The following CTIF variants were observed in gnomAD, a reference collection of about 807,000 sequenced individuals.
CTIF encodes cap binding complex dependent translation initiation factor.
CTIF carries 21 observed loss-of-function variants against 66.0 expected under a neutral mutation model. The observed-to-expected ratio is 0.32, with a 90% CI of 0.23 to 0.46. The LOEUF (loss-of-function observed/expected upper bound fraction) is 0.46, where lower values mean the gene tolerates loss of function less well. Ranked by LOEUF, CTIF falls within the 20% of genes least tolerant of loss-of-function variation. The pLI is 1.00. For synonymous variants in CTIF, 345 were observed against 326.4 expected, an observed-to-expected ratio of 1.06 and a Z score of -0.62; for missense variants, 739 against 812.7, an observed-to-expected ratio of 0.91 and a Z score of 1.10.
chr18:48,739,375 G>A (rs1442967327), intron 7 of CTIF, among the ~76,000 whole-genome samples: 1 of 152,230 alleles, frequency 6.6e-6, no homozygotes, highest in Non-Finnish European at 1.5e-5. Context: ...CCTTTGTGAA[G>A]GACGGAACCC....
intron 5 of CTIF, among the ~76,000 whole-genome samples, chr18:48,666,328 C>T (rs1226791307): frequency 6.6e-6 from 1 of 152,164 alleles, no homozygotes; most frequent in Non-Finnish European, 1.5e-5. Context: ...ACATTGGTCC[C>T]ATCATAGTGT....
intron 3 of CTIF, among the ~76,000 whole-genome samples, chr18:48,640,204 C>A (rs1235175425): frequency 6.6e-6 from 1 of 152,194 alleles, no homozygotes; most frequent in African/African-American, 2.4e-5. Context: ...CCCATGAGCA[C>A]CCCGGCTGGC....
intron 6 of CTIF, among the ~76,000 whole-genome samples, chr18:48,687,389 G>A (rs2091859026): frequency 6.7e-6 from 1 of 150,172 alleles, no homozygotes; most frequent in Non-Finnish European, 1.5e-5. Flanking sequence ...AGTGAGCAGA[G>A]TATAAGCCCC....
At chr18:48,846,709 GGATA>G (rs1254523796) in intron 10 of CTIF, among the ~76,000 whole-genome samples, 1 of 151,186 alleles carries the variant, frequency 6.6e-6, no homozygotes, top group Non-Finnish European at 1.5e-5. Context: ...ATGAAAGGAT[GGATA>G]GATGGGCGGA....
At chr18:48,632,669 TTCTACTGA>T (rs2090740682) in intron 2 of CTIF, among the ~76,000 whole-genome samples, 1 of 152,158 alleles carries the variant, frequency 6.6e-6, no homozygotes, top group Non-Finnish European at 1.5e-5. Context: ...GCTGGCCACG[TTCTACTGA>T]GCCTGTTGCC....
At chr18:48,802,003 A>G (rs2068058503) in intron 9 of CTIF, among the ~76,000 whole-genome samples, 1 of 152,190 alleles carries the variant, frequency 6.6e-6, no homozygotes, top group South Asian at 2.1e-4. Flanking sequence ...CCCTTTGCTG[A>G]TTAGGAAGGG....
Position 48,629,425 on chromosome 18 carries a change from A to G in CTIF, c.181-7189A>G, listed in dbSNP as rs566490027. On this transcript the variant is annotated intron_variant, in intron 2 of 11. Transcript: ENST00000256413. ...TCTCTCTCTAAATATATCTTATGAT[A>G]TATATAATTTATACATATAATTGTA... Among the ~76,000 whole-genome samples, 89 of 152,290 alleles carry G rather than the reference A, an allele frequency of 5.8e-4. 1 individual carries two copies. In the South Asian group the frequency reaches 7.2e-3, roughly 12 times the overall value.
intron 7 of CTIF, among the ~76,000 whole-genome samples, chr18:48,742,190 G>A (rs543806780): frequency 2.0e-5 from 3 of 152,324 alleles, no homozygotes; most frequent in African/African-American, 4.8e-5. Flanking sequence ...ACCGTTTCCC[G>A]AAGGAGACAA....
At chr18:48,674,730 G>A (rs1378362559) in intron 6 of CTIF, among the ~76,000 whole-genome samples, 1 of 152,204 alleles carries the variant, frequency 6.6e-6, no homozygotes, top group Non-Finnish European at 1.5e-5. Flanking sequence ...TGGGGCAACA[G>A]GGTAGACAGT....
chr18:48,804,410 T>C (rs1312902132), intron 9 of CTIF, among the ~76,000 whole-genome samples: 1 of 152,118 alleles, frequency 6.6e-6, no homozygotes, highest in Non-Finnish European at 1.5e-5. Flanking sequence ...GCCTCAGGGC[T>C]CAGCAGGACT....
At chr18:48,732,613 CTCTT>C (rs1179302165) in intron 7 of CTIF, among the ~76,000 whole-genome samples, 3 of 152,232 alleles carry the variant, frequency 2.0e-5, no homozygotes, top group Admixed American at 6.5e-5. Flanking sequence ...AAGAAGAGGT[CTCTT>C]TCTTTCTTGT....
At chr18:48,720,840 G>T (rs1171140404) in intron 7 of CTIF, among the ~76,000 whole-genome samples, 1 of 152,182 alleles carries the variant, frequency 6.6e-6, no homozygotes, top group Admixed American at 6.5e-5. Context: ...AAGCTGCAGA[G>T]AGTGGCCCTG....
intron 6 of CTIF, among the ~76,000 whole-genome samples, chr18:48,699,736 AT>A (rs1356981392): frequency 9.2e-5 from 14 of 152,160 alleles, no homozygotes; most frequent in Non-Finnish European, 1.3e-4. Context: ...CAGTCATCTC[AT>A]TTAACCCTCG....
At chr18:48,785,226 G>T (rs1911598963) in intron 9 of CTIF, among the ~76,000 whole-genome samples, 1 of 151,866 alleles carries the variant, frequency 6.6e-6, no homozygotes, top group South Asian at 2.1e-4. Flanking sequence ...TCACAGAAAG[G>T]CAGAAGGAAC....
At chr18:48,704,100 C>T (rs191794964) in intron 6 of CTIF, among the ~76,000 whole-genome samples, 10 of 152,206 alleles carry the variant, frequency 6.6e-5, no homozygotes, top group East Asian at 1.9e-4. Flanking sequence ...GGGAGCATGG[C>T]GGAGCACCAC....
At chr18:48,585,373 G>T (rs749646883) in intron 1 of CTIF, among the ~76,000 whole-genome samples, 1 of 152,196 alleles carries the variant, frequency 6.6e-6, no homozygotes, top group East Asian at 1.9e-4. Context: ...CCTACCTCTG[G>T]ATCCCCAAGG....
At chr18:48,766,574 G>A (rs1158755780) in intron 9 of CTIF, among the ~76,000 whole-genome samples, 1 of 152,240 alleles carries the variant, frequency 6.6e-6, no homozygotes, top group Non-Finnish European at 1.5e-5. Flanking sequence ...CGCAACCTGG[G>A]CATTCGTTAG....
At position 48,597,876 on chromosome 18, in the gene CTIF, A is replaced by G. The variant is rs148524127; in HGVS notation, c.-28-21662A>G. 6.9e-3 allele frequency among the ~76,000 whole-genome samples: 1,058 copies of G among 152,338 alleles called. 7 individuals are homozygous for G. Among genetic ancestry groups the G allele is most frequent in the Non-Finnish European group, 0.011 (737 of 68,026 alleles). Reference sequence around the variant, plus strand: ...AGCCCTCTTGTCTGGAGGAGGGCCAACGCTGGGTGTTCTCTTTTCCAGCCT... The same window carrying G: ...AGCCCTCTTGTCTGGAGGAGGGCCAGCGCTGGGTGTTCTCTTTTCCAGCCT... On this transcript the variant is annotated intron_variant, in intron 1 of 11. Transcript: ENST00000256413.
At chr18:48,819,094 C>T (rs1477299273) in intron 10 of CTIF, among the ~76,000 whole-genome samples, 1 of 152,190 alleles carries the variant, frequency 6.6e-6, no homozygotes, top group African/African-American at 2.4e-5. Context: ...AGTTCTCTCT[C>T]GGGTGTTTTG....
Sources: gnomAD v4.1 joint callset for allele counts (sites outside exome capture counted in the v4.1 genomes callset) on GRCh38, gnomAD v4.1.1 for gene constraint, MANE v1.5 for transcripts, NCBI Gene and HGNC (gene_info 2026-07-23, HGNC 2026-07-21) for gene names.